PACRG: variants seen among roughly 807,000 people sequenced by gnomAD.
PACRG encodes the protein parkin coregulated gene protein.
In PACRG, 29 loss-of-function variants were observed where a neutral mutation model predicts 29.7. That is an observed-to-expected ratio of 0.98 (90% CI 0.73 to 1.33). The LOEUF (loss-of-function observed/expected upper bound fraction) is 1.33, where lower values mean the gene tolerates loss of function less well. Ranked by LOEUF, PACRG falls within the 40% of genes most tolerant of loss-of-function variation. PACRG has a pLI of 0.00. For synonymous variants in PACRG, 116 were observed against 118.7 expected, an observed-to-expected ratio of 0.98 and a Z score of 0.15; for missense variants, 279 against 316.2, an observed-to-expected ratio of 0.88 and a Z score of 0.89.
At chr6:162,773,066 A>G (rs938631741) in intron 1 of PACRG, among the ~76,000 whole-genome samples, 11 of 150,774 alleles carry the variant, frequency 7.3e-5, no homozygotes, top group South Asian at 6.3e-4. Flanking sequence ...TGCAGGGAAC[A>G]GTGTGGCTGG....
intron 2 of PACRG, among the ~76,000 whole-genome samples, chr6:162,904,156 G>T (rs1225394690): frequency 5.9e-5 from 9 of 152,214 alleles, no homozygotes. Flanking sequence ...CACCCAGCCA[G>T]ATGAGGCTAT....
intron 2 of PACRG, among the ~76,000 whole-genome samples, chr6:162,823,689 T>A (rs781747576): frequency 2.0e-4 from 31 of 151,896 alleles, no homozygotes; most frequent in Admixed American, 5.9e-4. Context: ...TTTTTTCTAT[T>A]TTTTTAGTAG....
intron 4 of PACRG, among the ~76,000 whole-genome samples, chr6:163,216,082 AC>A (rs1781350111): frequency 6.6e-6 from 1 of 152,204 alleles, no homozygotes; most frequent in East Asian, 1.9e-4. Context: ...TTTCAATTGA[AC>A]ACATGAAATG....
intron 2 of PACRG, among the ~76,000 whole-genome samples, chr6:162,960,757 G>A (rs1400519495): frequency 6.6e-6 from 1 of 152,124 alleles, no homozygotes; most frequent in Non-Finnish European, 1.5e-5. Flanking sequence ...GAGGGCATTG[G>A]CTAACATAAT....
rs182836768 is a variant in PACRG, at chr6:163,130,093, C to T, written c.613+40685C>T. Among the ~76,000 whole-genome samples, 3 of 152,234 alleles carry T rather than the reference C, an allele frequency of 2.0e-5. No individual in the cohort carries two copies. In the East Asian group the frequency reaches 5.8e-4, roughly 29 times the overall value. ...GGAGAAATGGCAAAGGCAAAATAAG[C>T]ATTGTCTTAGATAAGGAATGAGGGA... On this transcript the variant is annotated intron_variant, in intron 4 of 4. Transcript: ENST00000366888.
intron 4 of PACRG, chr6:163,310,971 C>G (rs954296916): frequency 3.9e-5 from 6 of 152,128 alleles, no homozygotes; most frequent in Non-Finnish European, 8.8e-5. Flanking sequence ...CGTCCTAGTT[C>G]TGAACAAAAT....
intron 4 of PACRG, among the ~76,000 whole-genome samples, chr6:163,160,025 T>G (rs2128341629): frequency 6.6e-6 from 1 of 152,308 alleles, no homozygotes; most frequent in Non-Finnish European, 1.5e-5. Context: ...TCTGTACTTT[T>G]AATTATTTTT....
chr6:163,026,423 G>A (rs116597997), intron 2 of PACRG, among the ~76,000 whole-genome samples: 1,905 of 152,248 alleles, frequency 0.013, 48 homozygotes, highest in African/African-American at 0.043. Context: ...TGCTTTGGTA[G>A]AATAATTTTA....
chr6:163,298,371 T>G (rs1162106909), intron 4 of PACRG, among the ~76,000 whole-genome samples: 1 of 152,172 alleles, frequency 6.6e-6, no homozygotes, highest in African/African-American at 2.4e-5. Context: ...GACGCTGGAT[T>G]GGCAAACACA....
intron 2 of PACRG, among the ~76,000 whole-genome samples, chr6:162,900,319 T>C (rs1795469607): frequency 6.6e-6 from 1 of 152,124 alleles, no homozygotes; most frequent in Non-Finnish European, 1.5e-5. Flanking sequence ...TCTTCTTGCC[T>C]CAAACTTTCC....
intron 4 of PACRG, among the ~76,000 whole-genome samples, chr6:163,154,099 C>G (rs1778216853): frequency 1.3e-5 from 2 of 152,202 alleles, no homozygotes; most frequent in African/African-American, 4.8e-5. Context: ...GTCCCAGTCT[C>G]AGAACTGGGA....
chr6:162,969,225 A>T (rs4644021), intron 2 of PACRG, among the ~76,000 whole-genome samples: 102,336 of 151,858 alleles, frequency 0.67, 34,661 homozygotes, highest in East Asian at 0.79. Flanking sequence ...TGACTGCTGT[A>T]TATTACTGCT....
intron 4 of PACRG, among the ~76,000 whole-genome samples, chr6:163,255,929 T>A (rs939710101): frequency 6.6e-6 from 1 of 152,202 alleles, no homozygotes; most frequent in Non-Finnish European, 1.5e-5. Context: ...AGCCACCATG[T>A]CCAGCCCCTG....
At chr6:163,243,898 A>C (rs2128169393) in intron 4 of PACRG, among the ~76,000 whole-genome samples, 1 of 152,334 alleles carries the variant, frequency 6.6e-6, no homozygotes, top group South Asian at 2.1e-4. Context: ...TTAAATAAAC[A>C]GGGTCCGTGA....
intron 1 of PACRG, among the ~76,000 whole-genome samples, chr6:162,730,399 C>T (rs752376453): frequency 6.6e-6 from 1 of 152,058 alleles, no homozygotes; most frequent in Non-Finnish European, 1.5e-5. Flanking sequence ...TTCTTAATTG[C>T]AACCTCATGC....
intron 1 of PACRG, among the ~76,000 whole-genome samples, chr6:162,741,676 A>T (rs1047621966): frequency 6.6e-6 from 1 of 152,224 alleles, no homozygotes; most frequent in African/African-American, 2.4e-5. Flanking sequence ...GAACACAAAC[A>T]GTCAGTATCA....
intron 3 of PACRG, among the ~76,000 whole-genome samples, chr6:163,073,107 A>C (rs1812226988): frequency 6.6e-6 from 1 of 152,244 alleles, no homozygotes; most frequent in Non-Finnish European, 1.5e-5. Context: ...AAACAATTTT[A>C]AATTTTATAT....
At chr6:163,098,769 G>T (rs968333746) in intron 4 of PACRG, among the ~76,000 whole-genome samples, 5 of 152,208 alleles carry the variant, frequency 3.3e-5, no homozygotes, top group African/African-American at 1.2e-4. Flanking sequence ...AGGGCTGCTG[G>T]TTGCCCATTT....
At chr6:163,194,883 C>G (rs900652513) in intron 4 of PACRG, among the ~76,000 whole-genome samples, 9 of 151,878 alleles carry the variant, frequency 5.9e-5, no homozygotes, top group Non-Finnish European at 1.2e-4. Flanking sequence ...CCTTCACTCT[C>G]CCCTCCTTCC....
Sources: gnomAD v4.1 joint callset for allele counts (sites outside exome capture counted in the v4.1 genomes callset) on GRCh38, gnomAD v4.1.1 for gene constraint, MANE v1.5 for transcripts, NCBI Gene and HGNC (gene_info 2026-07-23, HGNC 2026-07-21) for gene names.